PRPSAP2: variants seen among roughly 807,000 people sequenced by gnomAD.
PRPSAP2 encodes phosphoribosyl pyrophosphate synthase-associated protein 2.
A neutral mutation model predicts 40.6 loss-of-function variants in PRPSAP2; 24 were observed. The observed-to-expected ratio is 0.59, with a 90% CI of 0.43 to 0.83. The LOEUF (loss-of-function observed/expected upper bound fraction) is 0.83, where lower values mean the gene tolerates loss of function less well. Among genes scored for constraint, PRPSAP2 ranks in the 40% least tolerant of loss-of-function variants. PRPSAP2 has a pLI of 0.00. For synonymous variants in PRPSAP2, 149 were observed against 164.7 expected, an observed-to-expected ratio of 0.90 and a Z score of 0.73; for missense variants, 292 against 465.6, an observed-to-expected ratio of 0.63 and a Z score of 3.43.
At chr17:18,873,449 A>G (rs540159811) in intron 5 of PRPSAP2, among the ~76,000 whole-genome samples, 1,658 of 151,664 alleles carry the variant, frequency 0.011, 14 homozygotes, top group Non-Finnish European at 0.018. Flanking sequence ...CAGGTGATCC[A>G]CCTGCCTCAG....
At chr17:18,887,093 T>C (rs2039220382) in intron 7 of PRPSAP2, among the ~76,000 whole-genome samples, 1 of 151,732 alleles carries the variant, frequency 6.6e-6, no homozygotes, top group South Asian at 2.1e-4. Flanking sequence ...TGGGCCCCCA[T>C]ACCTGGCTAA....
At chr17:18,867,219 A>G in intron 3 of PRPSAP2, 63 bp from the exon 4 acceptor site, 1 of 1,469,528 alleles carries the variant, frequency 6.8e-7, no homozygotes, top group Non-Finnish European at 9.5e-7. Context: ...GTCTCCTTAA[A>G]TAGTAAAGAT....
intron 1 of PRPSAP2, among the ~76,000 whole-genome samples, chr17:18,865,115 G>T (rs768724313): frequency 2.0e-5 from 3 of 152,214 alleles, no homozygotes; most frequent in Admixed American, 6.5e-5. Flanking sequence ...AAAGTGCTAG[G>T]ATTACAGGCG....
intron 4 of PRPSAP2, among the ~76,000 whole-genome samples, chr17:18,871,142 C>T (rs1018688230): frequency 2.0e-5 from 3 of 152,134 alleles, no homozygotes; most frequent in African/African-American, 7.2e-5. Flanking sequence ...GCCTCAGCCT[C>T]CTGAGTAGCT....
intron 8 of PRPSAP2, among the ~76,000 whole-genome samples, chr17:18,892,820 C>T (rs934912461): frequency 2.0e-5 from 3 of 151,080 alleles, no homozygotes; most frequent in African/African-American, 4.9e-5. Context: ...CTGCAACCTC[C>T]GCCTCCCAGG....
At chr17:18,864,785 T>C (rs1482502416) in intron 1 of PRPSAP2, 1 of 152,136 alleles carries the variant, frequency 6.6e-6, no homozygotes, top group Non-Finnish European at 1.5e-5. Context: ...CACAGCCTGC[T>C]GGATTGTTGC....
At chr17:18,926,972 C>A (rs1451076404) in intron 10 of PRPSAP2, among the ~76,000 whole-genome samples, 1 of 152,164 alleles carries the variant, frequency 6.6e-6, no homozygotes, top group Non-Finnish European at 1.5e-5. Flanking sequence ...CCACTTTGTG[C>A]TGCTGTAACA....
In PRPSAP2 at chr17:18,865,932, G is replaced by T. The variant is rs1242203515; in HGVS notation, c.99G>T (p.Glu33Asp). 6.8e-7 allele frequency: 1 copy of T among 1,473,552 alleles called. No homozygotes were observed. Among genetic ancestry groups the T allele is most frequent in the Non-Finnish European group, 9.1e-7 (1 of 1,097,088 alleles). The allele number at this position is 1,473,552 out of a possible 1,614,324, so 91.3% of individuals were successfully genotyped here. A position where few individuals can be genotyped will look rare whatever the true frequency, so the allele number is the denominator to read the frequency against. Reference sequence around the variant, plus strand: ...CAAACTCGAATTCATCATGTATGGAGCTATCAAAGAAAATTGCAGAGTGAG... The same window carrying T: ...CAAACTCGAATTCATCATGTATGGATCTATCAAAGAAAATTGCAGAGTGAG... Reference protein sequence around the residue: ...FSANSNSSCMELSKKIAERLG... With the variant: ...FSANSNSSCMDLSKKIAERLG... The change falls in exon 3 of 12, where the codon GAG becomes GAT. Residue 33 changes from glutamate to aspartate, a missense_variant. Glu to Asp is a conservative substitution (Grantham distance 45). Coordinates refer to ENST00000268835, the MANE Select transcript of PRPSAP2 (RefSeq NM_002767.4).
chr17:18,899,759 T>C (rs2040153413), intron 8 of PRPSAP2, among the ~76,000 whole-genome samples: 1 of 152,000 alleles, frequency 6.6e-6, no homozygotes, highest in Non-Finnish European at 1.5e-5. Context: ...GGTCTTGAAC[T>C]CCTGAGCTCA....
rs191949917 is a variant in PRPSAP2 at position 18,928,593 on chromosome 17, A to G, written c.805-218A>G. 9 of 548,212 alleles carry G rather than the reference A, an allele frequency of 1.6e-5. No individual in the cohort carries two copies. The East Asian group carries it at 3.3e-4, about 20-fold the overall frequency. The allele number at this position is 548,212 out of a possible 1,614,324, so 34.0% of individuals were successfully genotyped here. A position where few individuals can be genotyped will look rare whatever the true frequency, so the allele number is the denominator to read the frequency against. On this transcript the variant is annotated intron_variant, in intron 10 of 11. Coordinates refer to ENST00000268835, the MANE Select transcript of PRPSAP2 (RefSeq NM_002767.4). The stretch of plus-strand genomic sequence containing the variant: ...GAGTGTGGTGGGAGATAGCTCCAAT[A>G]GTGGCAGGTGCTGTGCAGGAAGAGG...
chr17:18,900,422 C>CT (rs1220361356), intron 8 of PRPSAP2, among the ~76,000 whole-genome samples: 2 of 152,156 alleles, frequency 1.3e-5, no homozygotes, highest in Admixed American at 1.3e-4. Flanking sequence ...GCTTGTAGCA[C>CT]TTTTCTGATG....
chr17:18,877,534 G>T (rs750882436), intron 5 of PRPSAP2, among the ~76,000 whole-genome samples, 164 bp from the exon 6 acceptor site: 6 of 151,960 alleles, frequency 3.9e-5, no homozygotes, highest in Non-Finnish European at 8.8e-5. Flanking sequence ...AGATGATGGG[G>T]GATCTTATGG....
In PRPSAP2 at chr17:18,892,688, AGT is replaced by A. The variant is rs3043879; in HGVS notation, c.584+2850_584+2851del. Among the ~76,000 whole-genome samples, 607 of 75,368 alleles carry A rather than the reference AGT, an allele frequency of 8.1e-3. 9 individuals carry two copies. The highest frequency in any genetic ancestry group is 0.02 in the African/African-American group (410 of 21,000). The allele number at this position is 75,368 out of a possible 152,430, so 49.4% of individuals were successfully genotyped here. A position where few individuals can be genotyped will look rare whatever the true frequency, so the allele number is the denominator to read the frequency against. ...TCAATCCTTCTGCCTCAGCCTGTTG[AGT>A]GTGTGTGTGTGTGTGTGTGTGTGTG... On this transcript the variant is annotated intron_variant, in intron 8 of 11. Coordinates refer to ENST00000268835, the MANE Select transcript of PRPSAP2 (RefSeq NM_002767.4).
chr17:18,883,568 T>C (rs1181154931), intron 7 of PRPSAP2, among the ~76,000 whole-genome samples: 1 of 152,018 alleles, frequency 6.6e-6, no homozygotes, highest in African/African-American at 2.4e-5. Context: ...TTTGTATCTT[T>C]AGTAGAGATG....
upstream of PRPSAP2, among the ~76,000 whole-genome samples, chr17:18,857,301 C>T (rs2036643713): frequency 6.6e-6 from 1 of 152,028 alleles, no homozygotes; most frequent in Non-Finnish European, 1.5e-5. Context: ...CGCCGATGCA[C>T]TCTAGCCTGG....
chr17:18,892,293 G>T (rs1304419317), intron 8 of PRPSAP2, among the ~76,000 whole-genome samples: 1 of 152,012 alleles, frequency 6.6e-6, no homozygotes, highest in Admixed American at 6.6e-5. Context: ...GTCAGTCATG[G>T]ATTAGTTTTT....
intron 6 of PRPSAP2, among the ~76,000 whole-genome samples, chr17:18,880,442 G>T (rs191722090): frequency 4.6e-4 from 70 of 152,068 alleles, no homozygotes; most frequent in African/African-American, 1.6e-3. Context: ...CCTCTTGCCC[G>T]GGCTGGGGTG....
chr17:18,898,077 T>C (rs2040034821), intron 8 of PRPSAP2, among the ~76,000 whole-genome samples: 1 of 144,740 alleles, frequency 6.9e-6, no homozygotes, highest in South Asian at 2.3e-4. Flanking sequence ...TAGCTCTTGG[T>C]AACCTCCGCC....
chr17:18,882,816 A>G (rs2038859312), intron 7 of PRPSAP2, 133 bp downstream of exon 7: 4 of 614,174 alleles, frequency 6.5e-6, no homozygotes, highest in Non-Finnish European at 1.1e-5. Context: ...CTTTATAGCT[A>G]TAATCCAACG....
Sources: gnomAD v4.1 joint callset for allele counts (sites outside exome capture counted in the v4.1 genomes callset) on GRCh38, gnomAD v4.1.1 for gene constraint, MANE v1.5 for transcripts, NCBI Gene and HGNC (gene_info 2026-07-23, HGNC 2026-07-21) for gene names.